Variants in GLIS3 observed in about 807,000 individuals in gnomAD.
GLIS3 encodes the protein zinc finger protein GLIS3.
GLIS3 carries 53 observed loss-of-function variants against 78.6 expected under a neutral mutation model. The observed-to-expected ratio is 0.67, with a 90% CI of 0.54 to 0.85. The LOEUF is 0.85. GLIS3 is among the 40% of genes least tolerant of loss of function. GLIS3 has a pLI of 0.00. For missense variants in GLIS3, 1,703 were observed against 1,231.1 expected (o/e 1.38, Z -5.74); for synonymous variants, 684 against 509.9 (o/e 1.34, Z -4.60).
rs1471189877 is a variant in GLIS3 at position 3,825,108 on chromosome 9, A to T, written c.*3164T>A. On this transcript the variant is annotated 3_prime_UTR_variant, in exon 11 of 11. Transcript: ENST00000381971. ...GAAAGTCAAGGTTCTCAGATGAGGG[A>T]GTTGAATTTATCCTTGCTCAAAATT... 1 of 152,162 alleles carries T rather than the reference A, an allele frequency of 6.6e-6. No homozygotes were observed. Among genetic ancestry groups the T allele is most frequent in the East Asian group, 1.9e-4 (1 of 5,200 alleles). The allele number at this position is 152,162 out of a possible 1,614,324, so 9.4% of individuals were successfully genotyped here.
chr9:4,472,447 G>A, the GLIS3 span, among the ~76,000 whole-genome samples: 52 of 152,282 alleles, frequency 3.4e-4, no homozygotes, highest in South Asian at 6.4e-3. Flanking sequence ...ATGAATTCAC[G>A]TCCTTTGTAG....
chr9:4,191,220 T>A (rs1450723045), intron 2 of GLIS3, among the ~76,000 whole-genome samples: 2 of 151,740 alleles, frequency 1.3e-5, no homozygotes, highest in Admixed American at 1.3e-4. Context: ...AATGCTCCAA[T>A]TAAAAGACAC....
At chr9:4,089,849 T>C (rs962677569) in intron 4 of GLIS3, among the ~76,000 whole-genome samples, 3 of 152,150 alleles carry the variant, frequency 2.0e-5, no homozygotes, top group African/African-American at 7.2e-5. Flanking sequence ...AAAAATTGAA[T>C]TCTCAGGTGT....
chr9:4,240,053 G>A (rs886277360), intron 2 of GLIS3, among the ~76,000 whole-genome samples: 1 of 151,806 alleles, frequency 6.6e-6, no homozygotes, highest in African/African-American at 2.4e-5. Context: ...ACTGAAGATA[G>A]ATAAAATTAT....
upstream of GLIS3, among the ~76,000 whole-genome samples, chr9:4,301,362 C>T (rs1817065826): frequency 6.6e-6 from 1 of 152,166 alleles, no homozygotes; most frequent in Non-Finnish European, 1.5e-5. Context: ...TAGATGGGCT[C>T]AACCACACGT....
chr9:4,304,227 C>A (rs1268491494), upstream of GLIS3, among the ~76,000 whole-genome samples: 1 of 152,196 alleles, frequency 6.6e-6, no homozygotes, highest in Non-Finnish European at 1.5e-5. Context: ...GCAAACCACA[C>A]TGCAAGTATA....
intron 2 of GLIS3, among the ~76,000 whole-genome samples, chr9:4,141,127 T>C (rs781634476): frequency 9.9e-5 from 15 of 152,078 alleles, no homozygotes; most frequent in Non-Finnish European, 2.1e-4. Context: ...CAGTCTTGTG[T>C]AGAAATCTAA....
At chr9:4,165,169 G>A (rs1006914781) in intron 2 of GLIS3, among the ~76,000 whole-genome samples, 9 of 152,142 alleles carry the variant, frequency 5.9e-5, no homozygotes, top group African/African-American at 1.2e-4. Flanking sequence ...GGCCGAGCAC[G>A]ATGGCTCACA....
intron 4 of GLIS3, among the ~76,000 whole-genome samples, chr9:3,957,881 C>T (rs1817253727): frequency 6.6e-6 from 1 of 152,150 alleles, no homozygotes; most frequent in Non-Finnish European, 1.5e-5. Flanking sequence ...CCTGAAATGC[C>T]CATGTTGCAA....
At chr9:4,170,558 C>G (rs1378797110) in intron 2 of GLIS3, among the ~76,000 whole-genome samples, 1 of 152,148 alleles carries the variant, frequency 6.6e-6, no homozygotes, top group Non-Finnish European at 1.5e-5. Context: ...ATCTTGTTCT[C>G]CAAGCACATA....
chr9:4,488,810 G>T, the GLIS3 span, among the ~76,000 whole-genome samples: 1 of 152,036 alleles, frequency 6.6e-6, no homozygotes, highest in Non-Finnish European at 1.5e-5. Context: ...GAGCCATCGC[G>T]CCCGGGACTA....
the GLIS3 span, among the ~76,000 whole-genome samples, chr9:4,401,312 T>C: frequency 2.0e-5 from 3 of 151,964 alleles, no homozygotes; most frequent in East Asian, 5.8e-4. Flanking sequence ...CAGGCTGGAG[T>C]GCAATGGTGT....
chr9:4,325,925 A>G (rs979224124), intron 2 of GLIS3, among the ~76,000 whole-genome samples: 16 of 152,328 alleles, frequency 1.1e-4, no homozygotes, highest in African/African-American at 3.8e-4. Context: ...GCTGGAAGCC[A>G]TTATCCTCAG....
chr9:3,896,317 TTAAAAGG>T (rs1216132365), intron 7 of GLIS3, among the ~76,000 whole-genome samples: 2 of 152,134 alleles, frequency 1.3e-5, no homozygotes, highest in Non-Finnish European at 2.9e-5. Context: ...TAACATTTTT[TTAAAAGG>T]AAGAAAGTTA....
At chr9:3,975,784 T>C (rs1818736875) in intron 4 of GLIS3, among the ~76,000 whole-genome samples, 1 of 152,148 alleles carries the variant, frequency 6.6e-6, no homozygotes, top group South Asian at 2.1e-4. Flanking sequence ...TATCATCATA[T>C]AAAGACCCCA....
intron 2 of GLIS3, among the ~76,000 whole-genome samples, chr9:4,198,623 C>T (rs900471850): frequency 6.6e-6 from 1 of 152,058 alleles, no homozygotes; most frequent in African/African-American, 2.4e-5. Context: ...AAAGAAAATA[C>T]CTTGGAAAAC....
At chr9:4,224,595 C>G (rs1053466448) in intron 2 of GLIS3, among the ~76,000 whole-genome samples, 1 of 152,172 alleles carries the variant, frequency 6.6e-6, no homozygotes, top group African/African-American at 2.4e-5. Flanking sequence ...AGAACCAAAT[C>G]TCTGGCACAC....
intron 4 of GLIS3, among the ~76,000 whole-genome samples, chr9:4,098,257 A>G (rs1237052120): frequency 6.6e-6 from 1 of 152,216 alleles, no homozygotes; most frequent in African/African-American, 2.4e-5. Context: ...CTTTAAAAAA[A>G]ATCTTGCAGC....
chr9:4,488,500 T>C, the GLIS3 span, among the ~76,000 whole-genome samples: 2 of 151,592 alleles, frequency 1.3e-5, no homozygotes, highest in African/African-American at 4.8e-5. Flanking sequence ...GGGACAAATC[T>C]GTTCTCTCGC....
Sources: allele counts gnomAD v4.1 joint callset (sites outside exome capture counted in the v4.1 genomes callset), GRCh38; gene constraint gnomAD v4.1.1; transcripts MANE v1.5; gene names NCBI Gene and HGNC (gene_info 2026-07-23, HGNC 2026-07-21).